CPEB3: variants seen among roughly 807,000 people sequenced by gnomAD.
CPEB3 encodes cytoplasmic polyadenylation element binding protein 3, also known as cytoplasmic polyadenylation element-binding protein 3.
A neutral mutation model predicts 67.2 loss-of-function variants in CPEB3; 20 were observed. That is an observed-to-expected ratio of 0.30 (90% CI 0.21 to 0.43). The LOEUF is 0.43. CPEB3 is among the 20% of genes least tolerant of loss of function. The probability of loss-of-function intolerance (pLI) is 1.00; values close to 1 mark genes in which losing one functional copy is unlikely to be tolerated. For synonymous variants in CPEB3, 376 were observed against 393.1 expected (o/e 0.96, Z 0.51); for missense variants, 746 against 968.6 (o/e 0.77, Z 3.05).
chr10:92,145,651 A>G (rs1247704890), intron 4 of CPEB3, among the ~76,000 whole-genome samples: 2 of 151,156 alleles, frequency 1.3e-5, no homozygotes, highest in Admixed American at 6.6e-5. Context: ...AAAAAAAAAA[A>G]GCATCAAAAT....
chr10:92,151,812 T>C (rs1441384392), intron 4 of CPEB3, among the ~76,000 whole-genome samples: 2 of 152,286 alleles, frequency 1.3e-5, no homozygotes, highest in East Asian at 3.9e-4. Flanking sequence ...ACACCATCTG[T>C]TAAACACTAC....
chr10:92,125,679 T>C (rs1845579820), intron 6 of CPEB3, among the ~76,000 whole-genome samples: 1 of 152,042 alleles, frequency 6.6e-6, no homozygotes, highest in African/African-American at 2.4e-5. Flanking sequence ...GTCCATCTTA[T>C]CTTCCTAGTG....
At chr10:92,137,757 G>C (rs1846176116) in intron 6 of CPEB3, 1 of 298,026 alleles carries the variant, frequency 3.4e-6, no homozygotes, top group South Asian at 4.8e-5. Context: ...CCAGCACTTT[G>C]GGAGGCCAAG....
At chr10:92,082,608 C>G (rs1483556447) in intron 8 of CPEB3, among the ~76,000 whole-genome samples, 1 of 152,056 alleles carries the variant, frequency 6.6e-6, no homozygotes, top group Non-Finnish European at 1.5e-5. Flanking sequence ...GGTATAGTTA[C>G]AAAACAATAA....
intron 2 of CPEB3, among the ~76,000 whole-genome samples, chr10:92,224,993 T>TTTTTTG (rs1850897064): frequency 6.6e-6 from 1 of 150,692 alleles, no homozygotes; most frequent in Non-Finnish European, 1.5e-5. Flanking sequence ...TTTTATTTTT[T>TTTTTTG]GAGGTGGAGT....
chr10:92,253,739 C>T (rs1457161542), intron 1 of CPEB3, among the ~76,000 whole-genome samples: 1 of 151,562 alleles, frequency 6.6e-6, no homozygotes, highest in Non-Finnish European at 1.5e-5. Context: ...GAGACTCTGC[C>T]TCAAAAAAAT....
Position 92,168,182 on chromosome 10 carries a change from T to G in CPEB3, c.1222+12781A>C, listed in dbSNP as rs111588401. ...GTACTTTTGTGGATTGGTCAGAAAA[T>G]TTAGTTGTTATTAGAAACATAAGAA... On this transcript the variant is annotated intron_variant, in intron 4 of 9. Transcript: ENST00000265997. 3.1e-3 allele frequency among the ~76,000 whole-genome samples: 467 copies of G among 152,214 alleles called. 3 individuals carry two copies. The highest frequency in any genetic ancestry group is 0.01 in the African/African-American group (433 of 41,540).
intron 3 of CPEB3, among the ~76,000 whole-genome samples, chr10:92,188,321 A>C (rs1226887046): frequency 4.6e-5 from 1 of 21,724 alleles, no homozygotes; most frequent in African/African-American, 5.5e-4. Flanking sequence ...AAGACATAGT[A>C]AAAAAAAAAA....
At chr10:92,286,582 C>T (rs1339579196) in intron 1 of CPEB3, among the ~76,000 whole-genome samples, 1 of 133,754 alleles carries the variant, frequency 7.5e-6, no homozygotes, top group African/African-American at 2.8e-5. Flanking sequence ...AAGACTCTAT[C>T]TAAAAAAAAA....
intron 1 of CPEB3, among the ~76,000 whole-genome samples, chr10:92,279,450 TC>T (rs1465054220): frequency 2.0e-5 from 3 of 152,144 alleles, no homozygotes; most frequent in African/African-American, 7.2e-5. Context: ...AGCAATATCG[TC>T]CCCCCTTGAT....
intron 2 of CPEB3, among the ~76,000 whole-genome samples, chr10:92,200,545 C>CA (rs57165866): frequency 0.045 from 2,421 of 53,758 alleles, 84 homozygotes; most frequent in Non-Finnish European, 0.05. Flanking sequence ...AACTCCGTCT[C>CA]AAAAAAAAAA....
intron 1 of CPEB3, among the ~76,000 whole-genome samples, chr10:92,265,783 A>AAT (rs1175501348): frequency 4.0e-5 from 6 of 151,672 alleles, no homozygotes; most frequent in African/African-American, 7.2e-5. Flanking sequence ...AAGATGAAAA[A>AAT]AGTTTTCTTT....
intron 1 of CPEB3, among the ~76,000 whole-genome samples, chr10:92,256,423 C>T (rs572526080): frequency 4.0e-5 from 6 of 150,272 alleles, no homozygotes; most frequent in African/African-American, 1.5e-4. Flanking sequence ...CAGAGTCTCA[C>T]TCTGTTGCCC....
At chr10:92,246,702 G>A (rs1331009602) in intron 1 of CPEB3, among the ~76,000 whole-genome samples, 3 of 151,782 alleles carry the variant, frequency 2.0e-5, no homozygotes, top group Non-Finnish European at 4.4e-5. Context: ...TAGAGACGGG[G>A]TTTCACCGTG....
chr10:92,154,634 G>A (rs1847119619), intron 4 of CPEB3, among the ~76,000 whole-genome samples: 1 of 152,128 alleles, frequency 6.6e-6, no homozygotes, highest in African/African-American at 2.4e-5. Context: ...CCTACTACCA[G>A]CTTCTCCTCT....
intron 2 of CPEB3, among the ~76,000 whole-genome samples, chr10:92,200,710 TAAA>T (rs1159537293): frequency 6.7e-6 from 1 of 148,736 alleles, no homozygotes; most frequent in Admixed American, 6.8e-5. Context: ...CTGGAGAAGT[TAAA>T]AAAAAAACCA....
intron 3 of CPEB3, among the ~76,000 whole-genome samples, chr10:92,184,160 A>G (rs770981125): frequency 5.9e-5 from 9 of 152,222 alleles, no homozygotes; most frequent in Non-Finnish European, 7.3e-5. Flanking sequence ...ATGCAGTAAA[A>G]CAAGAGCCTT....
intron 8 of CPEB3, among the ~76,000 whole-genome samples, chr10:92,086,029 C>T (rs1326803468): frequency 6.6e-6 from 1 of 152,148 alleles, no homozygotes; most frequent in African/African-American, 2.4e-5. Context: ...AATTATAATA[C>T]ATTTCAAAGC....
intron 9 of CPEB3, among the ~76,000 whole-genome samples, chr10:92,065,437 T>C (rs891376672): frequency 7.2e-5 from 11 of 152,124 alleles, no homozygotes; most frequent in African/African-American, 2.7e-4. Flanking sequence ...GCCAGGCTGT[T>C]CTTGAACTCC....
Sources: allele counts gnomAD v4.1 joint callset (sites outside exome capture counted in the v4.1 genomes callset), GRCh38; gene constraint gnomAD v4.1.1; transcripts MANE v1.5; gene names NCBI Gene and HGNC (gene_info 2026-07-23, HGNC 2026-07-21).